ERBB4: variants seen among roughly 807,000 people sequenced by gnomAD.
The protein encoded by ERBB4 is receptor tyrosine-protein kinase erbB-4.
In ERBB4, 42 loss-of-function variants were observed where a neutral mutation model predicts 158.0. The ratio of observed to expected loss-of-function variants is 0.27; its 90% confidence interval spans 0.21 to 0.34. The LOEUF (loss-of-function observed/expected upper bound fraction) is 0.34. Ranked by LOEUF, ERBB4 falls within the 10% of genes least tolerant of loss-of-function variation. The pLI is 1.00. For synonymous variants in ERBB4, 583 were observed against 558.7 expected (o/e 1.04, Z -0.61); for missense variants, 1,333 against 1,624.1 (o/e 0.82, Z 3.08).
intron 2 of ERBB4, among the ~76,000 whole-genome samples, chr2:212,048,572 T>G (rs1575563151): frequency 6.6e-6 from 1 of 151,940 alleles, no homozygotes; most frequent in African/African-American, 2.4e-5. Context: ...ACAACTGGAG[T>G]GGGCAGCAGT....
intron 1 of ERBB4, among the ~76,000 whole-genome samples, chr2:212,431,214 C>T (rs1275264670): frequency 1.4e-5 from 2 of 145,404 alleles, no homozygotes; most frequent in African/African-American, 5.1e-5. Context: ...CTCCTGATCT[C>T]TTGGTCTATA....
At chr2:211,991,694 G>A (rs1426301997) in intron 2 of ERBB4, among the ~76,000 whole-genome samples, 1 of 152,108 alleles carries the variant, frequency 6.6e-6, no homozygotes, top group Non-Finnish European at 1.5e-5. Flanking sequence ...TCATTTAGTT[G>A]CTCATTTAGG....
intron 4 of ERBB4, among the ~76,000 whole-genome samples, chr2:211,773,617 TATATATATATATATA>T (rs1322120807): frequency 3.8e-5 from 2 of 53,258 alleles, no homozygotes; most frequent in African/African-American, 2.2e-4. Context: ...TATATATATA[TATATATATATATATA>T]TATATATATA....
chr2:212,131,283 T>C (rs2080099796), intron 1 of ERBB4, among the ~76,000 whole-genome samples: 1 of 152,166 alleles, frequency 6.6e-6, no homozygotes, highest in South Asian at 2.1e-4. Flanking sequence ...ATTAATTAAT[T>C]CGCAACCCAG....
rs2106131809 is a variant in ERBB4 at position 211,725,130 on chromosome 2, G to A, written c.687C>T (p.Cys229=). 3 of 1,614,090 alleles carry A rather than the reference G, an allele frequency of 1.9e-6. No individual in the cohort carries two copies. Among genetic ancestry groups the A allele is most frequent in the Non-Finnish European group, 2.5e-6 (3 of 1,179,986 alleles). The change falls in exon 6 of 28, where the codon TGC becomes TGT. Residue 229 remains cysteine, a synonymous_variant. Transcript: ENST00000342788. ...GRCYGPYVSD[C]CHRECAGGCS... is the part of the protein sequence containing the mutation. ...AGCCTCCAGCACATTCTCGATGGCA[G>A]CAGTCACTGACGTAAGGTCCGTAGC...
Position 212,228,682 on chromosome 2 carries a change from A to C in ERBB4, c.83-103779T>G, listed in dbSNP as rs547493088. Among the ~76,000 whole-genome samples the C allele has an allele frequency of 5.3e-5, 8 of 152,160 alleles. No homozygotes were observed. The South Asian group carries it at 8.3e-4, about 16-fold the overall frequency. On this transcript the variant is annotated intron_variant, in intron 1 of 27. Transcript: ENST00000342788. ...TATAAACAAAAAATCAGTAAACCCC[A>C]CCTTGCTGCTACAGTGCAGTGGAAA...
At chr2:211,428,820 T>C (rs2125424013) in intron 21 of ERBB4, among the ~76,000 whole-genome samples, 1 of 152,180 alleles carries the variant, frequency 6.6e-6, no homozygotes, top group African/African-American at 2.4e-5. Context: ...CAGGCTCAAG[T>C]GATCCTCCCA....
At chr2:211,973,650 A>G (rs1473414408) in intron 2 of ERBB4, among the ~76,000 whole-genome samples, 1 of 152,256 alleles carries the variant, frequency 6.6e-6, no homozygotes, top group Non-Finnish European at 1.5e-5. Context: ...AAACCAGTTC[A>G]GCCATTGTGG....
At chr2:211,955,656 A>G (rs978493966) in intron 2 of ERBB4, among the ~76,000 whole-genome samples, 8 of 152,164 alleles carry the variant, frequency 5.3e-5, no homozygotes, top group African/African-American at 1.7e-4. Flanking sequence ...ATCTCAGCCA[A>G]TCATAGCAGC....
chr2:211,918,322 A>G (rs2079758017), intron 3 of ERBB4, among the ~76,000 whole-genome samples: 1 of 152,152 alleles, frequency 6.6e-6, no homozygotes, highest in Admixed American at 6.5e-5. Flanking sequence ...AAAATATTTA[A>G]AACTTTTTTT....
intron 3 of ERBB4, among the ~76,000 whole-genome samples, chr2:211,862,991 T>C (rs941583222): frequency 6.6e-6 from 1 of 151,724 alleles, no homozygotes; most frequent in Non-Finnish European, 1.5e-5. Context: ...AGCTAAAGGA[T>C]TGTAAATGCA....
intron 2 of ERBB4, among the ~76,000 whole-genome samples, chr2:211,976,555 T>C (rs1187542760): frequency 6.6e-6 from 1 of 152,164 alleles, no homozygotes; most frequent in Non-Finnish European, 1.5e-5. Context: ...CATTCACAGC[T>C]TCACTGCTAT....
At chr2:211,536,998 C>T (rs1032409089) in intron 20 of ERBB4, among the ~76,000 whole-genome samples, 2 of 151,952 alleles carry the variant, frequency 1.3e-5, no homozygotes, top group Admixed American at 6.6e-5. Context: ...AAAAGCTTTT[C>T]TTTATTCCTT....
At chr2:212,279,924 A>C (rs1405569649) in intron 1 of ERBB4, among the ~76,000 whole-genome samples, 1 of 151,664 alleles carries the variant, frequency 6.6e-6, no homozygotes, top group Non-Finnish European at 1.5e-5. Flanking sequence ...ATGTAATTAC[A>C]TTATAAAGTT....
intron 3 of ERBB4, among the ~76,000 whole-genome samples, chr2:211,931,117 G>A (rs560595480): frequency 4.6e-5 from 7 of 152,170 alleles, no homozygotes; most frequent in East Asian, 1.9e-4. Flanking sequence ...TGGCTTAAAC[G>A]CAATATTTAA....
At position 211,508,949 on chromosome 2, in the gene ERBB4, AC is replaced by A. The variant is rs1357641025; in HGVS notation, c.2487+52953del. 3.6e-5 allele frequency among the ~76,000 whole-genome samples: 4 copies of A among 111,818 alleles called. No homozygotes were observed. The South Asian group carries it at 8.7e-4, about 24-fold the overall frequency. 73.4% of individuals were successfully genotyped at this position (111,818 alleles called of 152,430 possible). A position where few individuals can be genotyped will look rare whatever the true frequency, so the allele number is the denominator to read the frequency against. On this transcript the variant is annotated intron_variant, in intron 20 of 27. Transcript: ENST00000342788. Reference sequence around the variant, plus strand: ...TCTCAAAAAACAAACAAACAAAAAAACAAAACAAAAAAAAGAAAATGTGTCA... The same window carrying A: ...TCTCAAAAAACAAACAAACAAAAAAAAAAACAAAAAAAAGAAAATGTGTCA...
chr2:211,828,127 T>C (rs1362849952), intron 3 of ERBB4, among the ~76,000 whole-genome samples: 1 of 152,198 alleles, frequency 6.6e-6, no homozygotes, highest in African/African-American at 2.4e-5. Flanking sequence ...AATATCAATG[T>C]GACTGAACAG....
intron 20 of ERBB4, among the ~76,000 whole-genome samples, chr2:211,544,428 T>G (rs1467435921): frequency 1.6e-4 from 24 of 152,006 alleles, no homozygotes; most frequent in Admixed American, 1.6e-3. Context: ...CTCGTAGAGT[T>G]ATACAATAGA....
At chr2:212,331,073 C>CACATATATATATATATATAT (rs1560037120) in intron 1 of ERBB4, among the ~76,000 whole-genome samples, 2 of 19,238 alleles carry the variant, frequency 1.0e-4, no homozygotes, top group Non-Finnish European at 4.4e-4. Flanking sequence ...TATATATATA[C>CACATATATATATATATATAT]ACATATATAT....
Sources: gnomAD v4.1 joint callset for allele counts (sites outside exome capture counted in the v4.1 genomes callset) on GRCh38, gnomAD v4.1.1 for gene constraint, MANE v1.5 for transcripts, NCBI Gene and HGNC (gene_info 2026-07-23, HGNC 2026-07-21) for gene names.